The following EDEM3 variants were observed in gnomAD, a reference collection of about 807,000 sequenced individuals.
EDEM3 encodes the protein ER degradation-enhancing alpha-mannosidase-like protein 3.
Under a neutral mutation model 110.2 loss-of-function variants are expected in EDEM3, and 60 were observed. That is an observed-to-expected ratio of 0.54 (90% CI 0.44 to 0.67). The LOEUF is 0.67. Among genes scored for constraint, EDEM3 ranks in the 30% least tolerant of loss-of-function variants. The pLI is 0.00. For missense variants in EDEM3, 996 were observed against 1,121.0 expected (o/e 0.89, Z 1.59); for synonymous variants, 352 against 382.9 (o/e 0.92, Z 0.94).
intron 17 of EDEM3, among the ~76,000 whole-genome samples, chr1:184,707,886 C>T (rs898720603): frequency 6.6e-6 from 1 of 152,022 alleles, no homozygotes; most frequent in Non-Finnish European, 1.5e-5. Context: ...ATTTTTAGAT[C>T]AATTACAGGT....
rs1649024384 is a variant in EDEM3 at position 184,690,690 on chromosome 1, G to A, written c.*3373C>T. 1 of 152,512 alleles carries A rather than the reference G, an allele frequency of 6.6e-6. No individual in the cohort carries two copies. The highest frequency in any genetic ancestry group is 1.5e-5 in the Non-Finnish European group (1 of 67,992). The allele number at this position is 152,512 out of a possible 1,614,324, so 9.4% of individuals were successfully genotyped here. Reference sequence around the variant, plus strand: ...AACAGTAGTGTTACAGCACCTGTTAGTACAGACATCTTTTTCATAAATTAC... The same window carrying A: ...AACAGTAGTGTTACAGCACCTGTTAATACAGACATCTTTTTCATAAATTAC... On this transcript the variant is annotated 3_prime_UTR_variant, in exon 20 of 20. Coordinates refer to ENST00000318130, the MANE Select transcript of EDEM3 (RefSeq NM_025191.4).
chr1:184,718,410 T>C (rs925140700), intron 11 of EDEM3, among the ~76,000 whole-genome samples: 1 of 152,256 alleles, frequency 6.6e-6, no homozygotes. Context: ...TGTATGGATA[T>C]GAATTTTCTA....
chr1:184,717,418 T>C lies in EDEM3; in HGVS notation c.1245+122A>G, dbSNP rs1571374739. ...TGGACTAGATGAATAAGAATCATGATATATCCAATCATTATAATATTAAAA... is the reference window on the plus strand; with the variant it reads ...TGGACTAGATGAATAAGAATCATGACATATCCAATCATTATAATATTAAAA... On this transcript the variant is annotated intron_variant, in intron 12 of 19. Coordinates refer to ENST00000318130, the MANE Select transcript of EDEM3 (RefSeq NM_025191.4). 6 of 695,004 alleles carry C rather than the reference T, an allele frequency of 8.6e-6. No individual in the cohort carries two copies. The East Asian group carries it at 1.9e-4, about 21-fold the overall frequency. The allele number at this position is 695,004 out of a possible 1,614,324, so 43.1% of individuals were successfully genotyped here. A position where few individuals can be genotyped will look rare whatever the true frequency, so the allele number is the denominator to read the frequency against.
Position 184,691,060 on chromosome 1 carries a change from TA to T in EDEM3, c.*3002del, listed in dbSNP as rs1258923939. 1 of 152,520 alleles carries T rather than the reference TA, an allele frequency of 6.6e-6. No individual in the cohort carries two copies. Among genetic ancestry groups the T allele is most frequent in the Non-Finnish European group, 1.5e-5 (1 of 67,960 alleles). 9.4% of individuals were successfully genotyped at this position (152,520 alleles called of 1,614,324 possible). On this transcript the variant is annotated 3_prime_UTR_variant, in exon 20 of 20. Coordinates refer to ENST00000318130, the MANE Select transcript of EDEM3 (RefSeq NM_025191.4). Reference sequence around the variant, plus strand: ...TTAGTGAAGTTAAAATCAGAAAGTGTACAATTTTTCTTTTTACTAATACTGT... The same window carrying T: ...TTAGTGAAGTTAAAATCAGAAAGTGTCAATTTTTCTTTTTACTAATACTGT...
At chr1:184,712,252 C>T (rs1650289740) in intron 14 of EDEM3, among the ~76,000 whole-genome samples, 181 bp downstream of exon 14, 1 of 151,434 alleles carries the variant, frequency 6.6e-6, no homozygotes, top group African/African-American at 2.4e-5. Flanking sequence ...TAAAAGGAAA[C>T]AGTTAATGAA....
chr1:184,732,154 T>C (rs1651560228), intron 6 of EDEM3, among the ~76,000 whole-genome samples: 1 of 151,602 alleles, frequency 6.6e-6, no homozygotes, highest in East Asian at 1.9e-4. Flanking sequence ...TCAGCCTAGG[T>C]GACAGTGGGA....
chr1:184,702,943 C>A lies in EDEM3; in HGVS notation c.2257G>T (p.Asp753Tyr), dbSNP rs751608954. 7 of 1,613,178 alleles carry A rather than the reference C, an allele frequency of 4.3e-6. No individual in the cohort carries two copies. Among genetic ancestry groups the A allele is most frequent in the Non-Finnish European group, 5.9e-6 (7 of 1,179,600 alleles). ...DTAPLFQMAGDGKDTDDIKIP... is the reference protein window; with the variant it reads ...DTAPLFQMAGYGKDTDDIKIP... ...TTGATGTCATCTGTATCCTTTCCAT[C>A]ACCTGCCATCTGGAACAGAGGGGCA... is the stretch of plus-strand genomic sequence containing the variant. The change falls in exon 19 of 20, where the codon GAT becomes TAT. Residue 753 changes from aspartate (D) to tyrosine (Y), a missense_variant. Coordinates refer to ENST00000318130, the MANE Select transcript of EDEM3 (RefSeq NM_025191.4).
Position 184,694,527 on chromosome 1 carries a change from C to T in EDEM3, c.2390-55G>A. ...ACTTCTCTAAAAAAATGTACTATTA[C>T]ACTTTCCAAAGCATATTGGTTTTTG... On this transcript the variant is annotated intron_variant, in intron 19 of 19. Coordinates refer to ENST00000318130, the MANE Select transcript of EDEM3 (RefSeq NM_025191.4). 5 of 1,475,368 alleles carry T rather than the reference C, an allele frequency of 3.4e-6. 1 individual carries two copies. The highest frequency in any genetic ancestry group is 2.7e-6 in the Non-Finnish European group (3 of 1,110,778). The allele number at this position is 1,475,368 out of a possible 1,614,324, so 91.4% of individuals were successfully genotyped here. A position where few individuals can be genotyped will look rare whatever the true frequency, so the allele number is the denominator to read the frequency against.
At chr1:184,743,234 A>G (rs1469439178) in intron 2 of EDEM3, among the ~76,000 whole-genome samples, 4 of 152,206 alleles carry the variant, frequency 2.6e-5, no homozygotes, top group Non-Finnish European at 4.4e-5. Context: ...GACAGTTTGC[A>G]CAAATTCAGA....
chr1:184,732,834 T>G lies in EDEM3; in HGVS notation c.612+3A>C. On this transcript the variant is annotated splice_donor_region_variant and intron_variant, in intron 6 of 19. Transcript: ENST00000318130. ...AAGACTCATATTTTTCAGAAGTACT[T>G]ACTCTTGGATAAGGAAGGCCACTGG... 1 of 1,611,082 alleles carries G rather than the reference T, an allele frequency of 6.2e-7. No homozygotes were observed. Among genetic ancestry groups the G allele is most frequent in the Non-Finnish European group, 8.5e-7 (1 of 1,178,558 alleles).
intron 2 of EDEM3, among the ~76,000 whole-genome samples, chr1:184,743,373 C>G (rs1446897092): frequency 6.6e-6 from 1 of 152,026 alleles, no homozygotes; most frequent in African/African-American, 2.4e-5. Context: ...TGATATGACT[C>G]AGAGCCATGA....
intron 2 of EDEM3, among the ~76,000 whole-genome samples, chr1:184,748,777 A>C (rs1402285391): frequency 1.3e-5 from 2 of 152,218 alleles, no homozygotes; most frequent in Non-Finnish European, 2.9e-5. Context: ...AAAATATTTT[A>C]AGCAGAACTA....
At chr1:184,699,224 A>G (rs1416454667) in intron 19 of EDEM3, among the ~76,000 whole-genome samples, 1 of 151,912 alleles carries the variant, frequency 6.6e-6, no homozygotes, top group Non-Finnish European at 1.5e-5. Context: ...TTAAATGTTT[A>G]CTGAAAGCAA....
intron 18 of EDEM3, 56 bp downstream of exon 18, chr1:184,706,587 A>C (rs1649939899): frequency 7.0e-7 from 1 of 1,428,636 alleles, no homozygotes; most frequent in African/African-American, 1.4e-5. Flanking sequence ...AAAAGGGAAA[A>C]AATCCTAAAA....
At chr1:184,706,534 TA>T (rs909572393) in intron 18 of EDEM3, 108 bp downstream of exon 18, 30 of 1,018,464 alleles carry the variant, frequency 2.9e-5, no homozygotes, top group South Asian at 6.5e-5. Flanking sequence ...CTAGGTGAGG[TA>T]AAAAAAACTA....
At chr1:184,751,981 G>A (rs952497117) in intron 1 of EDEM3, among the ~76,000 whole-genome samples, 7 of 152,116 alleles carry the variant, frequency 4.6e-5, no homozygotes, top group Non-Finnish European at 1.0e-4. Context: ...TCGAACTCCC[G>A]ACCTCAGGTG....
chr1:184,732,652 A>T, intron 6 of EDEM3, 185 bp downstream of exon 6: 1 of 610,400 alleles, frequency 1.6e-6, no homozygotes, highest in Non-Finnish European at 2.7e-6. Context: ...AAACTAATCT[A>T]ATTATCACAT....
chr1:184,749,640 T>C, intron 1 of EDEM3, 48 bp from the exon 2 acceptor site: 1 of 1,286,746 alleles, frequency 7.8e-7, no homozygotes, highest in South Asian at 1.4e-5. Flanking sequence ...AAAAGGTAAG[T>C]ATATTCTATT....
intron 17 of EDEM3, among the ~76,000 whole-genome samples, chr1:184,707,608 C>CCAGCT (rs1404936415): frequency 6.6e-6 from 1 of 152,134 alleles, no homozygotes; most frequent in African/African-American, 2.4e-5. Context: ...GGCTCTGGTC[C>CCAGCT]CAGCTCTGCA....
Sources: allele counts gnomAD v4.1 joint callset (sites outside exome capture counted in the v4.1 genomes callset), GRCh38; gene constraint gnomAD v4.1.1; transcripts MANE v1.5; gene names NCBI Gene and HGNC (gene_info 2026-07-23, HGNC 2026-07-21).